The following GRM8 variants were observed in gnomAD, a reference collection of about 807,000 sequenced individuals.
The protein encoded by GRM8 is metabotropic glutamate receptor 8.
GRM8 carries 47 observed loss-of-function variants against 87.2 expected under a neutral mutation model. That is an observed-to-expected ratio of 0.54 (90% CI 0.43 to 0.69). GRM8 has a LOEUF of 0.69. GRM8 is among the 30% of genes least tolerant of loss of function. GRM8 has a pLI of 0.00. For missense variants in GRM8, 1,019 were observed against 1,139.2 expected (o/e 0.89, Z 1.52); for synonymous variants, 396 against 404.5 (o/e 0.98, Z 0.25).
intron 3 of GRM8, among the ~76,000 whole-genome samples, chr7:127,045,699 C>G (rs1818860077): frequency 6.6e-6 from 1 of 152,092 alleles, no homozygotes; most frequent in Non-Finnish European, 1.5e-5. Flanking sequence ...TACCCAGATC[C>G]CACACGTGCA....
chr7:126,830,950 G>A (rs1425446494), intron 6 of GRM8, among the ~76,000 whole-genome samples: 1 of 152,196 alleles, frequency 6.6e-6, no homozygotes, highest in African/African-American at 2.4e-5. Flanking sequence ...AGGTCTATTG[G>A]AGTTTGCTAG....
At chr7:126,548,751 G>A (rs974002090) in intron 8 of GRM8, among the ~76,000 whole-genome samples, 2 of 152,148 alleles carry the variant, frequency 1.3e-5, no homozygotes, top group Non-Finnish European at 2.9e-5. Flanking sequence ...CAGGAGAGAA[G>A]AGTAAAACAC....
intron 3 of GRM8, among the ~76,000 whole-genome samples, chr7:126,956,439 G>A (rs767450632): frequency 2.6e-5 from 4 of 152,174 alleles, no homozygotes; most frequent in Non-Finnish European, 5.9e-5. Context: ...GTGTCTGACA[G>A]TAGGTATTCA....
intron 7 of GRM8, among the ~76,000 whole-genome samples, chr7:126,745,062 T>C (rs1387964040): frequency 6.6e-6 from 1 of 151,906 alleles, no homozygotes; most frequent in Non-Finnish European, 1.5e-5. Flanking sequence ...AAATAATCAA[T>C]GATAATGCAC....
At chr7:127,017,280 T>C (rs1391940078) in intron 3 of GRM8, among the ~76,000 whole-genome samples, 1 of 152,124 alleles carries the variant, frequency 6.6e-6, no homozygotes, top group East Asian at 1.9e-4. Context: ...TTATCTAAAT[T>C]GATTATTCCA....
rs552363290 is a variant in GRM8 at position 126,532,990 on chromosome 7, T to C, written c.2392A>G (p.Ile798Val). The C allele has an allele frequency of 8.7e-6, 14 of 1,613,132 alleles. No individual in the cohort carries two copies. The highest frequency in any genetic ancestry group is 1.2e-5 in the Non-Finnish European group (14 of 1,179,668). ...YTTCIIWLAF[I>V]PIFFGTAQSA... ...TGGGCTGTACCAAAAAAGATGGGGA[T>C]GAAAGCTAACCAAATGATGCAGGTG... The change falls in exon 9 of 11, where the codon ATC (isoleucine) becomes GTC (valine). Residue 798 changes from isoleucine to valine, a missense_variant. Coordinates refer to ENST00000339582, the MANE Select transcript of GRM8 (RefSeq NM_000845.3).
intron 2 of GRM8, among the ~76,000 whole-genome samples, chr7:127,237,760 G>C (rs1021578547): frequency 6.6e-6 from 1 of 152,132 alleles, no homozygotes; most frequent in African/African-American, 2.4e-5. Flanking sequence ...AAGTTAACTA[G>C]AAAAACAAAA....
At chr7:127,169,486 G>C (rs1358029531) in intron 2 of GRM8, among the ~76,000 whole-genome samples, 1 of 152,128 alleles carries the variant, frequency 6.6e-6, no homozygotes, top group African/African-American at 2.4e-5. Context: ...GAAGCAGCAA[G>C]GGCTGATGTA....
At chr7:126,471,880 G>A (rs1489318693) in intron 9 of GRM8, among the ~76,000 whole-genome samples, 2 of 152,152 alleles carry the variant, frequency 1.3e-5, no homozygotes, top group Non-Finnish European at 2.9e-5. Flanking sequence ...ACAGTGGTTT[G>A]TAGTTCTCCT....
At chr7:126,564,767 A>G (rs923827776) in intron 8 of GRM8, among the ~76,000 whole-genome samples, 2 of 152,144 alleles carry the variant, frequency 1.3e-5, no homozygotes, top group Non-Finnish European at 2.9e-5. Flanking sequence ...AGCCAAATAC[A>G]ACAAAGGAAA....
At chr7:126,457,141 G>T (rs7801444) in intron 9 of GRM8, among the ~76,000 whole-genome samples, 56,509 of 151,262 alleles carry the variant, frequency 0.37, 10,640 homozygotes, top group Middle Eastern at 0.5. Context: ...GAATTGAATA[G>T]ATGAGTTTAA....
chr7:126,827,923 G>T (rs528006082), intron 6 of GRM8, among the ~76,000 whole-genome samples: 4 of 152,206 alleles, frequency 2.6e-5, no homozygotes, highest in African/African-American at 9.6e-5. Flanking sequence ...TAGCATGAAG[G>T]GTTGTTGAAT....
At chr7:126,881,546 G>A (rs1382072287) in intron 6 of GRM8, among the ~76,000 whole-genome samples, 1 of 152,202 alleles carries the variant, frequency 6.6e-6, no homozygotes, top group East Asian at 1.9e-4. Context: ...CAGCTTCGCA[G>A]AGCACAGGGA....
intron 9 of GRM8, among the ~76,000 whole-genome samples, chr7:126,483,896 A>C (rs1807045466): frequency 6.6e-6 from 1 of 151,868 alleles, no homozygotes. Flanking sequence ...AACAAAATTT[A>C]TCTGGTCTAG....
At chr7:126,482,254 A>C (rs930115571) in intron 9 of GRM8, among the ~76,000 whole-genome samples, 1 of 152,034 alleles carries the variant, frequency 6.6e-6, no homozygotes, top group African/African-American at 2.4e-5. Context: ...GTTCCTCATA[A>C]AATTAAAAAT....
chr7:126,869,274 G>A (rs943809747), intron 6 of GRM8: 6 of 152,084 alleles, frequency 3.9e-5, no homozygotes, highest in African/African-American at 1.4e-4. Flanking sequence ...TTCTTCCCCT[G>A]AAATCTTGAA....
chr7:126,824,662 C>A (rs1030843790), intron 6 of GRM8, among the ~76,000 whole-genome samples: 14 of 152,192 alleles, frequency 9.2e-5, no homozygotes, highest in Non-Finnish European at 1.9e-4. Context: ...ACTAATGGCA[C>A]CCATCCCAAA....
intron 7 of GRM8, among the ~76,000 whole-genome samples, chr7:126,691,397 G>C (rs577323044): frequency 6.6e-6 from 1 of 152,198 alleles, no homozygotes; most frequent in Non-Finnish European, 1.5e-5. Flanking sequence ...GGGCAAAGGG[G>C]CTTCCCAGGC....
intron 6 of GRM8, among the ~76,000 whole-genome samples, chr7:126,861,771 G>C (rs932384215): frequency 6.6e-6 from 1 of 151,550 alleles, no homozygotes; most frequent in African/African-American, 2.4e-5. Flanking sequence ...TTACTAATTC[G>C]TTGGAGTTAT....
Sources: allele counts gnomAD v4.1 joint callset (sites outside exome capture counted in the v4.1 genomes callset), GRCh38; gene constraint gnomAD v4.1.1; transcripts MANE v1.5; gene names NCBI Gene and HGNC (gene_info 2026-07-23, HGNC 2026-07-21).